CDH19: variants seen among roughly 807,000 people sequenced by gnomAD.
CDH19 encodes cadherin 19.
A neutral mutation model predicts 64.2 loss-of-function variants in CDH19; 67 were observed. The observed-to-expected ratio is 1.04, with a 90% CI of 0.86 to 1.28. The LOEUF (loss-of-function observed/expected upper bound fraction) is 1.28, where lower values mean the gene tolerates loss of function less well. CDH19 is among the 50% of genes most tolerant of loss of function. The pLI, the probability that CDH19 is intolerant of heterozygous loss-of-function variation, is 0.00. For missense variants in CDH19, 1,030 were observed against 929.0 expected, an observed-to-expected ratio of 1.11 and a Z score of -1.41; for synonymous variants, 346 against 319.3, an observed-to-expected ratio of 1.08 and a Z score of -0.89.
intron 2 of CDH19, among the ~76,000 whole-genome samples, chr18:66,569,542 T>C (rs1988033594): frequency 6.6e-6 from 1 of 151,636 alleles, no homozygotes; most frequent in Non-Finnish European, 1.5e-5. Context: ...AATTCTCAAA[T>C]ACACACTTTC....
chr18:66,527,707 T>A (rs1309540299), intron 9 of CDH19, among the ~76,000 whole-genome samples: 1 of 151,824 alleles, frequency 6.6e-6, no homozygotes, highest in African/African-American at 2.4e-5. Flanking sequence ...TGAGCCAAGA[T>A]CACGCCACTT....
intron 1 of CDH19, among the ~76,000 whole-genome samples, chr18:66,583,040 T>C (rs557122446): frequency 1.3e-5 from 2 of 152,250 alleles, no homozygotes; most frequent in East Asian, 1.9e-4. Flanking sequence ...TTTGCCCTTA[T>C]TTGTCAAGGG....
At chr18:66,517,247 C>A (rs545437166) in intron 9 of CDH19, among the ~76,000 whole-genome samples, 1 of 151,856 alleles carries the variant, frequency 6.6e-6, no homozygotes, top group African/African-American at 2.4e-5. Context: ...CAAAATGCAA[C>A]CACTGAAATT....
chr18:66,590,917 T>C (rs1251300136), intron 1 of CDH19, among the ~76,000 whole-genome samples: 1 of 151,924 alleles, frequency 6.6e-6, no homozygotes, highest in Non-Finnish European at 1.5e-5. Context: ...CACCTAAGCC[T>C]GTTTGGGGTC....
intron 9 of CDH19, among the ~76,000 whole-genome samples, chr18:66,517,340 A>G (rs1985781486): frequency 6.6e-6 from 1 of 152,086 alleles, no homozygotes; most frequent in Non-Finnish European, 1.5e-5. Context: ...AAAATTATCG[A>G]TATTATACTT....
intron 1 of CDH19, among the ~76,000 whole-genome samples, chr18:66,578,986 A>T (rs1202796526): frequency 6.6e-6 from 1 of 151,914 alleles, no homozygotes; most frequent in African/African-American, 2.4e-5. Context: ...TGGGGGTGGG[A>T]GGAAGATCAG....
intron 10 of CDH19, among the ~76,000 whole-genome samples, chr18:66,510,758 G>A (rs1040327191): frequency 2.0e-5 from 3 of 151,224 alleles, no homozygotes; most frequent in African/African-American, 4.8e-5. Context: ...TTTCCTCCCC[G>A]GGGGAATTTG....
chr18:66,525,155 G>T (rs1251115691), intron 9 of CDH19, among the ~76,000 whole-genome samples: 1 of 152,016 alleles, frequency 6.6e-6, no homozygotes. Context: ...CTTCTAAATA[G>T]AATGCTCTTC....
At chr18:66,584,140 T>C (rs944231146) in intron 1 of CDH19, among the ~76,000 whole-genome samples, 2 of 151,956 alleles carry the variant, frequency 1.3e-5, no homozygotes, top group African/African-American at 4.8e-5. Context: ...TATCAAGAAC[T>C]TAACAAAAAT....
Position 66,511,648 on chromosome 18 carries a change from G to T in CDH19, c.1496C>A (p.Ser499Tyr). The T allele has an allele frequency of 1.3e-6, 2 of 1,578,242 alleles. No individual in the cohort carries two copies. Among genetic ancestry groups the T allele is most frequent in the Non-Finnish European group, 1.7e-6 (2 of 1,149,000 alleles). Residue 499 changes from serine to tyrosine, a missense_variant, in exon 10 of 12, where the codon TCC (serine) becomes TAC (tyrosine). Physicochemically the swap from Ser to Tyr is moderately radical, Grantham distance 144. Coordinates refer to ENST00000262150, the MANE Select transcript of CDH19 (RefSeq NM_021153.4). Reference protein sequence around the residue: ...QTISAVDRDESIEEHHFYFNL... With the variant: ...QTISAVDRDEYIEEHHFYFNL... Reference sequence around the variant, plus strand: ...AAAGTAAAAATGGTGCTCTTCTATGGATTCATCTCTATCCACTGCACTGAT... The same window carrying T: ...AAAGTAAAAATGGTGCTCTTCTATGTATTCATCTCTATCCACTGCACTGAT...
intron 1 of CDH19, among the ~76,000 whole-genome samples, chr18:66,598,989 A>G (rs1988974013): frequency 6.6e-6 from 1 of 152,146 alleles, no homozygotes; most frequent in Admixed American, 6.5e-5. Context: ...GAATTATTTT[A>G]GTTTCAAATT....
rs543801553 is a variant in CDH19 at position 66,507,538 on chromosome 18, T to C, written c.1828+1457A>G. ...AAGGTTATGCTAGATGAATATTTTA[T>C]AGTCCTGAAAGCCTGATTAAGACCT... On this transcript the variant is annotated intron_variant, in intron 11 of 11. Transcript: ENST00000262150. 4.6e-5 allele frequency among the ~76,000 whole-genome samples: 7 copies of C among 151,982 alleles called. No individual in the cohort carries two copies. The East Asian group carries it at 1.4e-3, about 29-fold the overall frequency.
chr18:66,568,748 T>C (rs768094671), intron 2 of CDH19, 38 bp from the exon 3 acceptor site: 67 of 1,492,372 alleles, frequency 4.5e-5, no homozygotes, highest in Non-Finnish European at 5.5e-5. Flanking sequence ...TTTCCAAACA[T>C]CTGAAATGGA....
chr18:66,583,211 G>A (rs1232893388), intron 1 of CDH19, among the ~76,000 whole-genome samples: 1 of 151,832 alleles, frequency 6.6e-6, no homozygotes, highest in Non-Finnish European at 1.5e-5. Context: ...ATAAACATCA[G>A]ACATATAAGC....
chr18:66,536,490 T>G (rs1243502267), intron 7 of CDH19, among the ~76,000 whole-genome samples: 2 of 151,866 alleles, frequency 1.3e-5, no homozygotes, highest in Non-Finnish European at 2.9e-5. Context: ...ATTAAACATC[T>G]AATCCTATTT....
chr18:66,546,750 T>C (rs1315148099), intron 5 of CDH19, among the ~76,000 whole-genome samples: 2 of 152,204 alleles, frequency 1.3e-5, no homozygotes, highest in South Asian at 2.1e-4. Flanking sequence ...GATGTGACTT[T>C]TGGATAAGAA....
chr18:66,535,615 T>TTA (rs201851705), intron 7 of CDH19, among the ~76,000 whole-genome samples: 3,364 of 144,430 alleles, frequency 0.023, 117 homozygotes, highest in African/African-American at 0.071. Context: ...TCCAAAATAT[T>TTA]TATATATATA....
In CDH19 at chr18:66,512,196, A is replaced by T. The variant is rs1438876176; in HGVS notation, c.1459-511T>A. 3.3e-5 allele frequency among the ~76,000 whole-genome samples: 5 copies of T among 151,784 alleles called. No homozygotes were observed. The East Asian group carries it at 9.7e-4, about 29-fold the overall frequency. On this transcript the variant is annotated intron_variant, in intron 9 of 11. Coordinates refer to ENST00000262150, the MANE Select transcript of CDH19 (RefSeq NM_021153.4). ...TGCATTTAAAATGTAGGGGCAATGT[A>T]CATGATTTCCTTTGACCCATAATGA...
At chr18:66,513,071 T>C (rs1985570687) in intron 9 of CDH19, among the ~76,000 whole-genome samples, 1 of 151,488 alleles carries the variant, frequency 6.6e-6, no homozygotes, top group African/African-American at 2.4e-5. Flanking sequence ...TATCTTTATA[T>C]GCACATTTGC....
Sources: allele counts gnomAD v4.1 joint callset (sites outside exome capture counted in the v4.1 genomes callset), GRCh38; gene constraint gnomAD v4.1.1; transcripts MANE v1.5; gene names NCBI Gene and HGNC (gene_info 2026-07-23, HGNC 2026-07-21).